NHERF4: variants seen among roughly 807,000 people sequenced by gnomAD.
NHERF4 encodes Na(+)/H(+) exchange regulatory cofactor NHE-RF4.
At chr11:119,189,554 G>A in the NHERF4 span, 1 of 1,566,808 alleles carries the variant, frequency 6.4e-7, no homozygotes, top group Non-Finnish European at 8.8e-7. The surrounding 1 kb of genome is among the most constrained non-coding windows in gnomAD (Gnocchi z 5.8). Context: ...CCAGCCTGAG[G>A]TGGTGAAGGC....
chr11:119,185,823 T>A, the NHERF4 span: 1 of 1,511,870 alleles, frequency 6.6e-7, no homozygotes. Context: ...TGCCCTGAGT[T>A]TGGGGGTTTC....
the NHERF4 span, chr11:119,188,853 C>G: frequency 6.2e-7 from 1 of 1,614,028 alleles, no homozygotes; most frequent in East Asian, 2.2e-5. Context: ...TGGGCCTCGT[C>G]TCTTCATCTC....
chr11:119,186,434 TGTGCCC>T, the NHERF4 span: 2 of 1,605,390 alleles, frequency 1.2e-6, no homozygotes, highest in Non-Finnish European at 1.7e-6. The surrounding 1 kb of genome is among the most constrained non-coding windows in gnomAD (Gnocchi z 4.4). Flanking sequence ...GTACTTGGGC[TGTGCCC>T]TCTCCTCCCC....
chr11:119,186,348 C>T, the NHERF4 span: 1 of 1,550,736 alleles, frequency 6.4e-7, no homozygotes, highest in South Asian at 1.1e-5. The surrounding 1 kb of genome is among the most constrained non-coding windows in gnomAD (Gnocchi z 4.4). Flanking sequence ...CGAACCCCAC[C>T]ACCCAACACC....
At chr11:119,187,689 C>T in the NHERF4 span, 1 of 1,517,532 alleles carries the variant, frequency 6.6e-7, no homozygotes, top group East Asian at 2.4e-5. Flanking sequence ...TCACAACCAA[C>T]TCACCAGGAA....
the NHERF4 span, chr11:119,187,631 CG>C: frequency 6.4e-7 from 1 of 1,568,358 alleles, no homozygotes; most frequent in Non-Finnish European, 8.6e-7. Flanking sequence ...GGGTGCCCCC[CG>C]GGGCCCGGCT....
chr11:119,188,353 A>C, the NHERF4 span: 5 of 1,613,818 alleles, frequency 3.1e-6, no homozygotes, highest in Non-Finnish European at 3.4e-6. Flanking sequence ...TCTATGCCCC[A>C]GGACAGTTCC....
the NHERF4 span, chr11:119,185,790 T>C: frequency 8.3e-7 from 1 of 1,198,158 alleles, no homozygotes; most frequent in Non-Finnish European, 1.2e-6. Context: ...AGAAGACCCC[T>C]TTGGAGCAGA....
the NHERF4 span, chr11:119,185,611 C>A: frequency 1.7e-6 from 2 of 1,173,298 alleles, no homozygotes; most frequent in Non-Finnish European, 2.5e-6. Context: ...GATTTTGGGG[C>A]TTGGAGCCCT....
the NHERF4 span, chr11:119,186,481 C>T: frequency 6.2e-7 from 1 of 1,614,022 alleles, no homozygotes. The surrounding 1 kb of genome is among the most constrained non-coding windows in gnomAD (Gnocchi z 4.4). Context: ...CCCTCCAGAT[C>T]CCTGGAGCCT....
At chr11:119,187,787 C>A in the NHERF4 span, 1 of 1,460,142 alleles carries the variant, frequency 6.8e-7, no homozygotes, top group South Asian at 1.5e-5. Flanking sequence ...TGCGCCTAAC[C>A]TCCTTATCTG....
At chr11:119,186,686 C>A in the NHERF4 span, 11 of 1,601,022 alleles carry the variant, frequency 6.9e-6, no homozygotes, top group South Asian at 1.1e-5. This position sits in a 1 kb window ranked among gnomAD's most constrained non-coding sequence, Gnocchi z 4.4. Flanking sequence ...GAAGACTATG[C>A]GGTGGTAAGG....
At chr11:119,189,090 A>C in the NHERF4 span, 1 of 1,614,112 alleles carries the variant, frequency 6.2e-7, no homozygotes, top group Non-Finnish European at 8.5e-7. The surrounding 1 kb of genome is among the most constrained non-coding windows in gnomAD (Gnocchi z 5.8). Context: ...GTTGGGGGAC[A>C]GAATGACCTG....
At chr11:119,189,424 C>T in the NHERF4 span, 1 of 1,611,818 alleles carries the variant, frequency 6.2e-7, no homozygotes, top group Non-Finnish European at 8.5e-7. This position sits in a 1 kb window ranked among gnomAD's most constrained non-coding sequence, Gnocchi z 5.8. Context: ...TCTTCTGGGT[C>T]CCACCTGGAA....
chr11:119,185,750 C>A, the NHERF4 span: 4 of 887,738 alleles, frequency 4.5e-6, no homozygotes, highest in Non-Finnish European at 7.3e-6. Context: ...GGGGACCGCA[C>A]AATAGTCCTG....
At chr11:119,187,563 G>T in the NHERF4 span, 7 of 1,596,036 alleles carry the variant, frequency 4.4e-6, no homozygotes, top group East Asian at 1.4e-4. Flanking sequence ...TTAATTTCTA[G>T]GCAATCAGGG....
the NHERF4 span, chr11:119,188,976 C>T: frequency 1.6e-5 from 26 of 1,613,748 alleles, no homozygotes; most frequent in Middle Eastern, 1.6e-4. Context: ...CCCCGGTGTC[C>T]CCTGTTCTGC....
the NHERF4 span, chr11:119,187,676 C>A: frequency 5.2e-6 from 8 of 1,526,210 alleles, no homozygotes; most frequent in Non-Finnish European, 6.1e-6. Context: ...TGGAGAAGTT[C>A]ACTCACAACC....
At chr11:119,189,497 C>T in the NHERF4 span, 1 of 1,614,030 alleles carries the variant, frequency 6.2e-7, no homozygotes, top group South Asian at 1.1e-5. This position sits in a 1 kb window ranked among gnomAD's most constrained non-coding sequence, Gnocchi z 5.8. Flanking sequence ...CTGTAGAGCA[C>T]CCCTGCTTGG....
Sources: allele counts gnomAD v4.1 joint callset, GRCh38; gene constraint gnomAD v4.1.1; non-coding constraint Gnocchi (gnomAD v3.1); transcripts MANE v1.5; gene names NCBI Gene and HGNC (gene_info 2026-07-23, HGNC 2026-07-21).